FRMD4B: variants seen among roughly 807,000 people sequenced by gnomAD.
FRMD4B encodes the protein FERM domain containing 4B.
Under a neutral mutation model 141.5 loss-of-function variants are expected in FRMD4B, and 74 were observed. That is an observed-to-expected ratio of 0.52 (90% CI 0.43 to 0.63). The LOEUF is 0.63. FRMD4B is among the 30% of genes least tolerant of loss of function. The probability of loss-of-function intolerance (pLI) is 0.00; values close to 1 mark genes in which losing one functional copy is unlikely to be tolerated. For synonymous variants in FRMD4B, 506 were observed against 467.9 expected, an observed-to-expected ratio of 1.08 and a Z score of -1.05; for missense variants, 1,366 against 1,253.4, an observed-to-expected ratio of 1.09 and a Z score of -1.36.
chr3:69,299,793 C>T (rs1701152827), intron 4 of FRMD4B, among the ~76,000 whole-genome samples: 1 of 152,012 alleles, frequency 6.6e-6, no homozygotes, highest in Non-Finnish European at 1.5e-5. Context: ...AATTCTTTTT[C>T]ATTGTGCATT....
intron 2 of FRMD4B, among the ~76,000 whole-genome samples, chr3:69,429,212 T>C (rs1197392009): frequency 1.3e-5 from 2 of 152,184 alleles, no homozygotes; most frequent in Non-Finnish European, 2.9e-5. Flanking sequence ...AATGCTAAAG[T>C]GAACACACTT....
rs116902418 is a variant in FRMD4B, at chr3:69,259,377, C to T, written c.502-9278G>A. 3.8e-4 allele frequency among the ~76,000 whole-genome samples: 58 copies of T among 152,288 alleles called. 1 individual carries two copies. The East Asian group carries it at 9.1e-3, about 24-fold the overall frequency. On this transcript the variant is annotated intron_variant, in intron 5 of 22. Coordinates refer to ENST00000398540, the MANE Select transcript of FRMD4B (RefSeq NM_015123.3). ...GCTGCTCATCTCCTGCTGTGTGGCCCGGTTCCTAACAGGCCATGGACTGGT... is the reference window on the plus strand; with the variant it reads ...GCTGCTCATCTCCTGCTGTGTGGCCTGGTTCCTAACAGGCCATGGACTGGT...
At chr3:69,373,970 T>C (rs1703901337) in intron 1 of FRMD4B, among the ~76,000 whole-genome samples, 2 of 152,284 alleles carry the variant, frequency 1.3e-5, no homozygotes, top group South Asian at 4.2e-4. Flanking sequence ...TCACCAACCC[T>C]GGTAGGTAGG....
intron 1 of FRMD4B, among the ~76,000 whole-genome samples, chr3:69,451,589 A>C (rs926835404): frequency 4.6e-5 from 7 of 152,216 alleles, no homozygotes; most frequent in Admixed American, 4.6e-4. Flanking sequence ...ACAAGTGCAG[A>C]GACAGAACAT....
chr3:69,338,911 T>C (rs1294867400), intron 1 of FRMD4B, among the ~76,000 whole-genome samples: 1 of 152,224 alleles, frequency 6.6e-6, no homozygotes, highest in African/African-American at 2.4e-5. Context: ...CTTAGTATAG[T>C]GCTTGGCACA....
At chr3:69,489,916 A>G (rs1559543582) in intron 1 of FRMD4B, among the ~76,000 whole-genome samples, 3 of 152,230 alleles carry the variant, frequency 2.0e-5, no homozygotes, top group Non-Finnish European at 4.4e-5. Context: ...GTAATAAAAT[A>G]CTGATAGAGC....
intron 7 of FRMD4B, among the ~76,000 whole-genome samples, chr3:69,248,929 A>G (rs921644629): frequency 4.6e-5 from 7 of 152,208 alleles, no homozygotes; most frequent in African/African-American, 1.4e-4. Context: ...AGCATAAGCT[A>G]TCAAAGCTTT....
At chr3:69,341,086 G>C (rs559638773) in intron 1 of FRMD4B, among the ~76,000 whole-genome samples, 16 of 152,292 alleles carry the variant, frequency 1.1e-4, no homozygotes, top group African/African-American at 3.8e-4. Context: ...AGTTAAAAGT[G>C]TCACTGATTG....
intron 11 of FRMD4B, among the ~76,000 whole-genome samples, chr3:69,206,183 C>T (rs147637416): frequency 0.014 from 2,097 of 152,188 alleles, 16 homozygotes; most frequent in Non-Finnish European, 0.021. Context: ...AACCCCATCT[C>T]TGCTAAAAAT....
chr3:69,438,644 T>C (rs557251595), intron 1 of FRMD4B, among the ~76,000 whole-genome samples: 2 of 152,160 alleles, frequency 1.3e-5, no homozygotes, highest in South Asian at 4.1e-4. Flanking sequence ...TTTTGGGCAA[T>C]AGATAAATGA....
intron 9 of FRMD4B, among the ~76,000 whole-genome samples, chr3:69,220,761 C>T (rs941730810): frequency 5.9e-5 from 9 of 152,006 alleles, no homozygotes; most frequent in Admixed American, 2.0e-4. Context: ...GCCTGAGGCA[C>T]GAAAATCGCT....
chr3:69,208,915 G>A (rs551539030), intron 11 of FRMD4B, among the ~76,000 whole-genome samples: 1 of 152,206 alleles, frequency 6.6e-6, no homozygotes, highest in African/African-American at 2.4e-5. Flanking sequence ...GGAGGCTGAG[G>A]CAGGCGGATC....
intron 1 of FRMD4B, among the ~76,000 whole-genome samples, chr3:69,506,010 C>A (rs1451886374): frequency 2.0e-5 from 3 of 152,140 alleles, no homozygotes; most frequent in Non-Finnish European, 4.4e-5. Flanking sequence ...CTTTCCAACG[C>A]CTGAAAAATA....
At chr3:69,442,728 C>G (rs977521040) in intron 1 of FRMD4B, among the ~76,000 whole-genome samples, 2 of 152,164 alleles carry the variant, frequency 1.3e-5, no homozygotes, top group African/African-American at 4.8e-5. Context: ...GAGGGCATTG[C>G]GGATCCATGT....
At chr3:69,354,800 G>C (rs898864624) in intron 1 of FRMD4B, among the ~76,000 whole-genome samples, 1 of 152,110 alleles carries the variant, frequency 6.6e-6, no homozygotes, top group Non-Finnish European at 1.5e-5. Flanking sequence ...ACAATATACT[G>C]TCTGGGGAAG....
intron 1 of FRMD4B, among the ~76,000 whole-genome samples, chr3:69,503,560 A>G (rs1004503677): frequency 4.0e-5 from 6 of 149,820 alleles, no homozygotes; most frequent in Admixed American, 4.0e-4. Context: ...GGGGAGGGAT[A>G]GCATTAGGAG....
chr3:69,415,829 G>A (rs920457080), intron 2 of FRMD4B, among the ~76,000 whole-genome samples: 2 of 152,124 alleles, frequency 1.3e-5, no homozygotes, highest in Admixed American at 6.5e-5. Context: ...ATCCTTCATG[G>A]CACATTGTAG....
chr3:69,476,428 C>T (rs963943845), intron 1 of FRMD4B, among the ~76,000 whole-genome samples: 1 of 152,154 alleles, frequency 6.6e-6, no homozygotes, highest in African/African-American at 2.4e-5. Flanking sequence ...ATATGGCTAG[C>T]CAGTTTTCCC....
intron 1 of FRMD4B, among the ~76,000 whole-genome samples, chr3:69,348,458 G>T (rs1408301952): frequency 6.6e-6 from 1 of 152,206 alleles, no homozygotes; most frequent in African/African-American, 2.4e-5. Flanking sequence ...AATAGAAAAA[G>T]AGGGAATCCT....
Sources: allele counts gnomAD v4.1 joint callset (sites outside exome capture counted in the v4.1 genomes callset), GRCh38; gene constraint gnomAD v4.1.1; transcripts MANE v1.5; gene names NCBI Gene and HGNC (gene_info 2026-07-23, HGNC 2026-07-21).